The following KIAA0825 variants were observed in gnomAD, a reference collection of about 807,000 sequenced individuals.
The protein encoded by KIAA0825 is KIAA0825.
Under a neutral mutation model 147.6 loss-of-function variants are expected in KIAA0825, and 119 were observed. The observed-to-expected ratio is 0.81, with a 90% CI of 0.69 to 0.94. The LOEUF (loss-of-function observed/expected upper bound fraction) is 0.94. Among genes scored for constraint, KIAA0825 ranks in the 40% least tolerant of loss-of-function variants. KIAA0825 has a pLI of 0.00. For missense variants in KIAA0825, 1,381 were observed against 1,472.7 expected, an observed-to-expected ratio of 0.94 and a Z score of 1.02; for synonymous variants, 470 against 518.1, an observed-to-expected ratio of 0.91 and a Z score of 1.26.
chr5:94,257,457 C>T (rs1011473900), intron 20 of KIAA0825, among the ~76,000 whole-genome samples: 1 of 152,052 alleles, frequency 6.6e-6, no homozygotes, highest in African/African-American at 2.4e-5. Flanking sequence ...TGTTTAGATT[C>T]GTGCCATCAA....
chr5:94,549,056 C>T (rs1775011557), intron 2 of KIAA0825, among the ~76,000 whole-genome samples: 1 of 152,160 alleles, frequency 6.6e-6, no homozygotes, highest in Admixed American at 6.5e-5. Flanking sequence ...AAACATTGAA[C>T]TTAATCTGCA....
At chr5:94,445,945 G>A (rs1348705194) in intron 13 of KIAA0825, among the ~76,000 whole-genome samples, 1 of 152,106 alleles carries the variant, frequency 6.6e-6, no homozygotes, top group Non-Finnish European at 1.5e-5. Flanking sequence ...CCTCATCAGA[G>A]CACAAGATCG....
intron 1 of KIAA0825, among the ~76,000 whole-genome samples, chr5:94,585,312 C>T (rs112700957): frequency 0.073 from 11,095 of 152,178 alleles, 449 homozygotes; most frequent in South Asian, 0.11. Flanking sequence ...CGTGCAAAGA[C>T]ACACAGGCTC....
At chr5:94,296,328 T>C (rs1268073993) in intron 20 of KIAA0825, among the ~76,000 whole-genome samples, 7 of 152,146 alleles carry the variant, frequency 4.6e-5, no homozygotes, top group African/African-American at 1.7e-4. Flanking sequence ...CCAGTGGATC[T>C]TAGCTTGCTG....
chr5:94,486,166 A>T (rs7737545), intron 5 of KIAA0825, among the ~76,000 whole-genome samples: 1 of 151,918 alleles, frequency 6.6e-6, no homozygotes, highest in African/African-American at 2.4e-5. Flanking sequence ...AATGCCTTTT[A>T]TTAAAACATA....
At position 94,152,856 on chromosome 5, in the gene KIAA0825, TTATATATATATATA is replaced by T. The variant is rs1175360792; in HGVS notation, c.*1137_*1150del. On this transcript the variant is annotated 3_prime_UTR_variant, in exon 21 of 21. Transcript: ENST00000682413. ...AAAAAAAAAAAAAAAAAAAAAAAAA[TTATATATATATATA>T]TATATATATATATATATATATATAT... 9 of 2,774 alleles carry T rather than the reference TTATATATATATATA, an allele frequency of 3.2e-3. No homozygotes were observed. The highest frequency in any genetic ancestry group is 0.011 in the East Asian group (1 of 92). The allele number at this position is 2,774 out of a possible 1,614,324, so 0.2% of individuals were successfully genotyped here.
intron 14 of KIAA0825, among the ~76,000 whole-genome samples, chr5:94,428,763 A>G (rs1270604471): frequency 6.6e-6 from 1 of 152,106 alleles, no homozygotes; most frequent in Non-Finnish European, 1.5e-5. Context: ...TTTGCAGGTG[A>G]TCTTGAATTA....
At chr5:94,195,851 C>G (rs980080598) in intron 20 of KIAA0825, among the ~76,000 whole-genome samples, 7 of 152,054 alleles carry the variant, frequency 4.6e-5, no homozygotes, top group Non-Finnish European at 1.0e-4. Flanking sequence ...GCATTACTAC[C>G]TCACTAGGTA....
intron 20 of KIAA0825, among the ~76,000 whole-genome samples, chr5:94,285,790 C>T (rs1777644262): frequency 6.6e-6 from 1 of 152,138 alleles, no homozygotes; most frequent in South Asian, 2.1e-4. Flanking sequence ...TTGATCCTCT[C>T]CTCACAGCTC....
At chr5:94,510,720 A>G (rs899641848) in intron 5 of KIAA0825, among the ~76,000 whole-genome samples, 2 of 152,228 alleles carry the variant, frequency 1.3e-5, no homozygotes, top group African/African-American at 4.8e-5. Context: ...CTAGAAATCC[A>G]TAATAACTTT....
At position 94,501,733 on chromosome 5, in the gene KIAA0825, A is replaced by C. The variant is rs528776433; in HGVS notation, c.971-16803T>G. 4.6e-5 allele frequency among the ~76,000 whole-genome samples: 7 copies of C among 152,324 alleles called. No individual in the cohort carries two copies. The South Asian group carries it at 1.5e-3, about 32-fold the overall frequency. ...TCATGCTTCTGAATATTGGTAGTTA[A>C]AGGTATATTTGTTTTGGAGGGCAAT... On this transcript the variant is annotated intron_variant, in intron 5 of 20. Transcript: ENST00000682413.
chr5:94,573,714 T>C (rs535793057), intron 2 of KIAA0825, among the ~76,000 whole-genome samples: 3 of 152,320 alleles, frequency 2.0e-5, no homozygotes, highest in East Asian at 3.9e-4. Context: ...GCTATGTTAA[T>C]AGAGATTCTT....
chr5:94,266,994 C>T (rs1776764928), intron 20 of KIAA0825, among the ~76,000 whole-genome samples: 1 of 152,028 alleles, frequency 6.6e-6, no homozygotes, highest in South Asian at 2.1e-4. Flanking sequence ...TAATGAATCC[C>T]ATGAAGCAAT....
intron 20 of KIAA0825, among the ~76,000 whole-genome samples, chr5:94,340,455 T>G (rs1483215976): frequency 6.6e-6 from 1 of 152,148 alleles, no homozygotes; most frequent in East Asian, 1.9e-4. Context: ...CCTGAGTTAT[T>G]TATACAAAAT....
intron 5 of KIAA0825, among the ~76,000 whole-genome samples, chr5:94,491,037 G>A (rs1463515334): frequency 2.0e-5 from 3 of 152,166 alleles, no homozygotes; most frequent in South Asian, 2.1e-4. Flanking sequence ...AATAATAGTG[G>A]TAAGATACAA....
In KIAA0825 at chr5:94,584,470, C is replaced by T. The variant is rs372350407; in HGVS notation, c.-152-1887G>A. ...TGAAGACCAAATTAATGAAATAAAG[C>T]GAGAAGACAAGATTAGAGAAAAAAG... On this transcript the variant is annotated intron_variant, in intron 1 of 20. Transcript: ENST00000682413. Among the ~76,000 whole-genome samples, 175 of 151,898 alleles carry T rather than the reference C, an allele frequency of 1.2e-3. 1 individual carries two copies. The East Asian group carries it at 0.015, about 13-fold the overall frequency.
intron 20 of KIAA0825, among the ~76,000 whole-genome samples, chr5:94,185,941 A>G (rs1172775146): frequency 1.3e-5 from 2 of 152,212 alleles, no homozygotes; most frequent in African/African-American, 4.8e-5. Flanking sequence ...ATGATTAAGC[A>G]AAGGTCTGCA....
chr5:94,466,633 A>C (rs1245893417), intron 10 of KIAA0825, among the ~76,000 whole-genome samples: 1 of 147,212 alleles, frequency 6.8e-6, no homozygotes, highest in East Asian at 2.1e-4. Flanking sequence ...GCTACTTGGG[A>C]GGCTGAGGCA....
intron 20 of KIAA0825, among the ~76,000 whole-genome samples, chr5:94,281,198 A>AAC (rs34358354): frequency 0.096 from 13,960 of 144,932 alleles, 755 homozygotes; most frequent in East Asian, 0.24. Context: ...TAAGTGATTT[A>AAC]ACACACACAC....
Sources: gnomAD v4.1 joint callset for allele counts (sites outside exome capture counted in the v4.1 genomes callset) on GRCh38, gnomAD v4.1.1 for gene constraint, MANE v1.5 for transcripts, NCBI Gene and HGNC (gene_info 2026-07-23, HGNC 2026-07-21) for gene names.